Variants in B3GALT1 observed in about 807,000 individuals in gnomAD.
B3GALT1 encodes the protein UDP-Gal:betaGlcNAc beta 1,3-galactosyltransferase, polypeptide 1.
B3GALT1 carries 10 observed loss-of-function variants against 23.2 expected under a neutral mutation model. That is an observed-to-expected ratio of 0.43 (90% CI 0.27 to 0.73). The LOEUF is 0.73. Ranked by LOEUF, B3GALT1 falls within the 30% of genes least tolerant of loss-of-function variation. B3GALT1 has a pLI of 0.21. For synonymous variants in B3GALT1, 156 were observed against 141.5 expected, an observed-to-expected ratio of 1.10 and a Z score of -0.73; for missense variants, 299 against 405.4, an observed-to-expected ratio of 0.74 and a Z score of 2.25.
chr2:167,493,619 A>G (rs2105343849), intron 2 of B3GALT1, among the ~76,000 whole-genome samples: 1 of 152,300 alleles, frequency 6.6e-6, no homozygotes, highest in African/African-American at 2.4e-5. Context: ...AAATGCAAAG[A>G]TAAAATAGAC....
chr2:167,552,243 T>A (rs1419669995), intron 2 of B3GALT1, among the ~76,000 whole-genome samples: 1 of 152,166 alleles, frequency 6.6e-6, no homozygotes, highest in Non-Finnish European at 1.5e-5. Context: ...ATACCAATGA[T>A]TCCTTGACTA....
intron 2 of B3GALT1, among the ~76,000 whole-genome samples, chr2:167,641,503 G>T (rs1423346780): frequency 6.6e-6 from 1 of 152,114 alleles, no homozygotes; most frequent in Non-Finnish European, 1.5e-5. Context: ...ACAGTAAATG[G>T]GATAATCTGT....
intron 2 of B3GALT1, among the ~76,000 whole-genome samples, chr2:167,507,281 T>G (rs1574108585): frequency 6.6e-6 from 1 of 151,446 alleles, no homozygotes; most frequent in African/African-American, 2.4e-5. Context: ...CCGAGGCAGG[T>G]GGATCATGAG....
intron 2 of B3GALT1, among the ~76,000 whole-genome samples, chr2:167,576,469 A>G (rs926153411): frequency 6.6e-6 from 1 of 150,614 alleles, no homozygotes; most frequent in East Asian, 1.9e-4. Context: ...TAGTGAGGAC[A>G]GGTTTAGTGG....
chr2:167,418,298 A>G (rs1698499158), intron 1 of B3GALT1, among the ~76,000 whole-genome samples: 1 of 152,132 alleles, frequency 6.6e-6, no homozygotes, highest in African/African-American at 2.4e-5. Flanking sequence ...TTCTCTTCTT[A>G]GATATGCATA....
intron 1 of B3GALT1, among the ~76,000 whole-genome samples, chr2:167,459,254 T>G (rs777722780): frequency 1.3e-5 from 2 of 152,194 alleles, no homozygotes; most frequent in Non-Finnish European, 2.9e-5. Context: ...GAAATTACTC[T>G]TTTATTTCCT....
chr2:167,356,555 A>G (rs776260898), intron 1 of B3GALT1, among the ~76,000 whole-genome samples: 3 of 152,112 alleles, frequency 2.0e-5, no homozygotes, highest in Non-Finnish European at 4.4e-5. Flanking sequence ...AACACTACAT[A>G]CTAGTGGGAG....
intron 1 of B3GALT1, among the ~76,000 whole-genome samples, chr2:167,453,894 A>T (rs1031373735): frequency 6.6e-6 from 1 of 152,214 alleles, no homozygotes; most frequent in Non-Finnish European, 1.5e-5. Flanking sequence ...TATATCGGCT[A>T]AAGTAACAGC....
chr2:167,712,646 G>A (rs578057909), intron 3 of B3GALT1, among the ~76,000 whole-genome samples: 4 of 152,080 alleles, frequency 2.6e-5, no homozygotes, highest in Admixed American at 2.6e-4. Flanking sequence ...CTAGCAAATT[G>A]GATTACTCTG....
chr2:167,579,060 G>A (rs1684433592), intron 2 of B3GALT1, among the ~76,000 whole-genome samples: 1 of 152,074 alleles, frequency 6.6e-6, no homozygotes, highest in Non-Finnish European at 1.5e-5. Flanking sequence ...CTTGCCCCCA[G>A]ATAAAATGGC....
At chr2:167,454,645 A>T (rs1699142800) in intron 1 of B3GALT1, among the ~76,000 whole-genome samples, 1 of 152,186 alleles carries the variant, frequency 6.6e-6, no homozygotes. Flanking sequence ...TGAGTATGCT[A>T]AGAGAGGAAA....
chr2:167,852,386 A>T (rs1689919177), intron 4 of B3GALT1, among the ~76,000 whole-genome samples: 2 of 152,024 alleles, frequency 1.3e-5, no homozygotes, highest in African/African-American at 2.4e-5. Flanking sequence ...TAATTCAAGG[A>T]TTTGGCAGTT....
At chr2:167,582,684 G>A (rs558426764) in intron 2 of B3GALT1, among the ~76,000 whole-genome samples, 68 of 152,130 alleles carry the variant, frequency 4.5e-4, no homozygotes, top group Admixed American at 9.8e-4. Flanking sequence ...GGTTAGGAGC[G>A]GTCCTCTAAG....
intron 1 of B3GALT1, among the ~76,000 whole-genome samples, chr2:167,368,491 G>A (rs893870677): frequency 6.6e-6 from 1 of 152,136 alleles, no homozygotes; most frequent in African/African-American, 2.4e-5. Flanking sequence ...GAGGGCAGAA[G>A]TAACAAAGAC....
At chr2:167,850,090 C>T (rs557120834) in intron 4 of B3GALT1, among the ~76,000 whole-genome samples, 2 of 152,296 alleles carry the variant, frequency 1.3e-5, no homozygotes, top group African/African-American at 4.8e-5. Flanking sequence ...AAGAAACAGT[C>T]AGCAGAGTAA....
chr2:167,323,013 A>G (rs947250365), intron 1 of B3GALT1, among the ~76,000 whole-genome samples: 4 of 152,024 alleles, frequency 2.6e-5, no homozygotes, highest in Admixed American at 1.3e-4. Context: ...TTTTGTCTCA[A>G]TTTCATTATG....
intron 3 of B3GALT1, among the ~76,000 whole-genome samples, chr2:167,728,207 G>T (rs989136095): frequency 1.3e-5 from 2 of 152,136 alleles, no homozygotes. Context: ...GGCCAACATG[G>T]CGAAACCCAG....
intron 1 of B3GALT1, among the ~76,000 whole-genome samples, chr2:167,301,054 T>C (rs549586337): frequency 2.0e-5 from 3 of 152,298 alleles, no homozygotes; most frequent in African/African-American, 4.8e-5. Flanking sequence ...TCTGAGCGCA[T>C]TGAATATAAG....
In B3GALT1 at chr2:167,461,761, G is replaced by A. The variant is rs191347033; in HGVS notation, c.-510-28416G>A. ...ACCATTGTTCTTCCAATTTTGGATT[G>A]TGATTCTTTTAGGCAATTACATAAT... On this transcript the variant is annotated intron_variant, in intron 1 of 4. Coordinates refer to ENST00000392690, the MANE Select transcript of B3GALT1 (RefSeq NM_020981.4). Among the ~76,000 whole-genome samples, 589 of 152,140 alleles carry A rather than the reference G, an allele frequency of 3.9e-3. 1 individual carries two copies. Among genetic ancestry groups the A allele is most frequent in the Non-Finnish European group, 6.5e-3 (445 of 68,004 alleles).
Sources: gnomAD v4.1 joint callset for allele counts (sites outside exome capture counted in the v4.1 genomes callset) on GRCh38, gnomAD v4.1.1 for gene constraint, MANE v1.5 for transcripts, NCBI Gene and HGNC (gene_info 2026-07-23, HGNC 2026-07-21) for gene names.